The following DDX46 variants were observed in gnomAD, a reference collection of about 807,000 sequenced individuals.
DDX46 encodes DEAD-box helicase 46, also known as probable ATP-dependent RNA helicase DDX46.
A neutral mutation model predicts 134.9 loss-of-function variants in DDX46; 30 were observed. The observed-to-expected ratio is 0.22, with a 90% CI of 0.17 to 0.30. The LOEUF (loss-of-function observed/expected upper bound fraction) is 0.30, where lower values mean the gene tolerates loss of function less well. Ranked by LOEUF, DDX46 falls within the 10% of genes least tolerant of loss-of-function variation. DDX46 has a pLI of 1.00. For synonymous variants in DDX46, 415 were observed against 404.1 expected (o/e 1.03, Z -0.32); for missense variants, 622 against 1,248.7 (o/e 0.50, Z 7.56).
chr5:134,811,391 A>G, intron 17 of DDX46, 33 bp downstream of exon 17: 1 of 1,600,722 alleles, frequency 6.2e-7, no homozygotes, highest in South Asian at 1.1e-5. Context: ...TCTTCTAGAA[A>G]TCATTAATGT....
At chr5:134,779,969 G>A (rs1449083578) in intron 6 of DDX46, among the ~76,000 whole-genome samples, 1 of 152,240 alleles carries the variant, frequency 6.6e-6, no homozygotes, top group Middle Eastern at 3.4e-3. Flanking sequence ...TGTGATGGCG[G>A]ACGCCTCTAA....
chr5:134,793,149 C>A (rs1178487934), intron 13 of DDX46, among the ~76,000 whole-genome samples: 1 of 151,810 alleles, frequency 6.6e-6, no homozygotes, highest in Non-Finnish European at 1.5e-5. Flanking sequence ...AGAGTGAGAC[C>A]GTGTCTCAAG....
At chr5:134,798,364 A>G (rs1754730589) in intron 15 of DDX46, among the ~76,000 whole-genome samples, 1 of 151,656 alleles carries the variant, frequency 6.6e-6, no homozygotes, top group Non-Finnish European at 1.5e-5. Flanking sequence ...ATGCCTGACT[A>G]ATTTTTTGTG....
At chr5:134,800,719 A>G (rs985289777) in intron 15 of DDX46, among the ~76,000 whole-genome samples, 1 of 152,176 alleles carries the variant, frequency 6.6e-6, no homozygotes, top group Non-Finnish European at 1.5e-5. Flanking sequence ...CTTGTTGCCC[A>G]GGCTGTAGTG....
chr5:134,813,536 A>G (rs1004098632), intron 18 of DDX46, among the ~76,000 whole-genome samples: 2 of 152,192 alleles, frequency 1.3e-5, no homozygotes, highest in Admixed American at 6.5e-5. Context: ...TGAGTGATCA[A>G]AGAGAGCAAA....
intron 6 of DDX46, among the ~76,000 whole-genome samples, chr5:134,778,353 C>A (rs539800036): frequency 1.3e-5 from 2 of 151,990 alleles, no homozygotes; most frequent in South Asian, 4.2e-4. Context: ...TCACTTTATT[C>A]TATTTTTCCT....
intron 18 of DDX46, 36 bp from the exon 19 acceptor site, chr5:134,816,394 A>C: frequency 6.5e-7 from 1 of 1,539,324 alleles, no homozygotes; most frequent in South Asian, 1.2e-5. Flanking sequence ...TTTCTAATTC[A>C]GTTTTTTACT....
intron 2 of DDX46, among the ~76,000 whole-genome samples, chr5:134,765,788 G>A (rs1282167694): frequency 6.6e-6 from 1 of 152,146 alleles, no homozygotes; most frequent in Non-Finnish European, 1.5e-5. Flanking sequence ...AGACATTGGA[G>A]TACATTGTTG....
At chr5:134,769,071 A>G (rs999774887) in intron 3 of DDX46, among the ~76,000 whole-genome samples, 16 of 152,134 alleles carry the variant, frequency 1.1e-4, no homozygotes, top group African/African-American at 3.9e-4. Flanking sequence ...AAAATCCCCT[A>G]AAATCATTAG....
intron 4 of DDX46, 129 bp from the exon 5 acceptor site, chr5:134,773,567 G>GTA: frequency 1.0e-6 from 1 of 977,094 alleles, no homozygotes; most frequent in East Asian, 2.7e-5. Flanking sequence ...TGAGGGGTTT[G>GTA]TATATATGCC....
At chr5:134,795,204 G>GT (rs879550711) in intron 14 of DDX46, among the ~76,000 whole-genome samples, 190 bp downstream of exon 14, 6,207 of 124,978 alleles carry the variant, frequency 0.05, 397 homozygotes, top group African/African-American at 0.15. Context: ...TAAAATGCTT[G>GT]TTTTTTTTTT....
In DDX46 at chr5:134,770,869, G is replaced by T; in HGVS notation, c.351-34G>T. 4 of 1,497,998 alleles carry T rather than the reference G, an allele frequency of 2.7e-6. No homozygotes were observed. In the South Asian group the frequency reaches 3.7e-5, roughly 14 times the overall value. The allele number at this position is 1,497,998 out of a possible 1,614,324, so 92.8% of individuals were successfully genotyped here. The stretch of plus-strand genomic sequence containing the variant: ...TGAATGTTTCTAAGTACAAATGAAT[G>T]ACATTTCTCTTGTCTCTTTTATTTT... On this transcript the variant is annotated intron_variant, in intron 3 of 22. Transcript: ENST00000452510.
chr5:134,782,352 A>G (rs1254381646), intron 8 of DDX46, among the ~76,000 whole-genome samples: 1 of 152,108 alleles, frequency 6.6e-6, no homozygotes, highest in Non-Finnish European at 1.5e-5. Context: ...CTAAAATACA[A>G]AAAACTAGGC....
intron 13 of DDX46, among the ~76,000 whole-genome samples, chr5:134,793,097 T>C (rs1252269169): frequency 6.6e-6 from 1 of 152,072 alleles, no homozygotes; most frequent in Non-Finnish European, 1.5e-5. Flanking sequence ...ATAGAGGCTG[T>C]GGTGAGCCAA....
At chr5:134,788,080 C>T (rs1331902710) in intron 11 of DDX46, among the ~76,000 whole-genome samples, 1 of 150,266 alleles carries the variant, frequency 6.7e-6, no homozygotes, top group Non-Finnish European at 1.5e-5. Flanking sequence ...TCATGATTCA[C>T]TAATGTGGCA....
intron 1 of DDX46, 118 bp downstream of exon 1, chr5:134,759,073 T>G: frequency 6.8e-7 from 1 of 1,471,604 alleles, no homozygotes; most frequent in African/African-American, 1.4e-5. Flanking sequence ...CGGTCAGCGC[T>G]GCCCCGCGAG....
chr5:134,818,964 A>T lies in DDX46; in HGVS notation c.2937A>T (p.Glu979Asp). ...IRGTYFPPGK[E>D]PKEGERKIYL... The stretch of plus-strand genomic sequence containing the variant: ...GAACCTACTTCCCTCCTGGCAAAGA[A>T]CCCAAGGAAGGCGAGCGGAAGATTT... The change falls in exon 21 of 23, where the codon GAA becomes GAT. Residue 979 changes from glutamate to aspartate, a missense_variant. Physicochemically the swap from Glu to Asp is conservative, Grantham distance 45. Transcript: ENST00000452510. 1 of 1,614,036 alleles carries T rather than the reference A, an allele frequency of 6.2e-7. No individual in the cohort carries two copies.
intron 15 of DDX46, among the ~76,000 whole-genome samples, chr5:134,796,950 G>A (rs994766727): frequency 6.6e-6 from 1 of 150,752 alleles, no homozygotes; most frequent in Non-Finnish European, 1.5e-5. Flanking sequence ...TTGGGAGTTC[G>A]AGACCAGCCT....
chr5:134,777,830 T>C, intron 6 of DDX46, 105 bp downstream of exon 6: 1 of 1,343,528 alleles, frequency 7.4e-7, no homozygotes, highest in African/African-American at 1.5e-5. Context: ...GCTAACAGTT[T>C]TCTTTCTCCT....
Sources: allele counts gnomAD v4.1 joint callset (sites outside exome capture counted in the v4.1 genomes callset), GRCh38; gene constraint gnomAD v4.1.1; transcripts MANE v1.5; gene names NCBI Gene and HGNC (gene_info 2026-07-23, HGNC 2026-07-21).